The following APBB2 variants were observed in gnomAD, a reference collection of about 807,000 sequenced individuals.
APBB2 encodes Fe65-like 1.
In APBB2, 38 loss-of-function variants were observed where a neutral mutation model predicts 82.5. The observed-to-expected ratio is 0.46, with a 90% CI of 0.36 to 0.60. APBB2 has a LOEUF of 0.60. Ranked by LOEUF, APBB2 falls within the 20% of genes least tolerant of loss-of-function variation. The pLI is 0.00. For synonymous variants in APBB2, 341 were observed against 368.2 expected (o/e 0.93, Z 0.85); for missense variants, 772 against 972.3 (o/e 0.79, Z 2.74).
At chr4:40,861,046 T>C (rs965571474) in intron 12 of APBB2, among the ~76,000 whole-genome samples, 13 of 152,088 alleles carry the variant, frequency 8.5e-5, no homozygotes, top group Admixed American at 2.0e-4. Flanking sequence ...GACCCCCATA[T>C]CTACAAAAAA....
At chr4:40,947,994 T>A (rs1295013028) in intron 6 of APBB2, among the ~76,000 whole-genome samples, 1 of 152,140 alleles carries the variant, frequency 6.6e-6, no homozygotes. Flanking sequence ...AAGAAATCAG[T>A]TCTATGCGAT....
chr4:40,945,270 A>G (rs1171983104), intron 6 of APBB2, among the ~76,000 whole-genome samples, 197 bp from the exon 7 acceptor site: 3 of 152,202 alleles, frequency 2.0e-5, no homozygotes, highest in South Asian at 2.1e-4. Flanking sequence ...GGAAACAAGT[A>G]TAAGAATTGG....
At chr4:41,048,150 G>T (rs913889603) in intron 4 of APBB2, among the ~76,000 whole-genome samples, 2 of 152,168 alleles carry the variant, frequency 1.3e-5, no homozygotes, top group Non-Finnish European at 2.9e-5. Flanking sequence ...AACACCAGTT[G>T]AGCATCCCAA....
intron 3 of APBB2, among the ~76,000 whole-genome samples, chr4:41,098,015 C>A (rs1244672628): frequency 7.6e-6 from 1 of 131,614 alleles, no homozygotes. Context: ...CCTCCCCCCT[C>A]CCCTCCCGTC....
At chr4:40,855,082 A>C (rs1322912809) in intron 12 of APBB2, among the ~76,000 whole-genome samples, 1 of 152,210 alleles carries the variant, frequency 6.6e-6, no homozygotes, top group Non-Finnish European at 1.5e-5. Flanking sequence ...CTTGGAGTGC[A>C]GATGACCTGA....
chr4:40,900,552 T>G (rs1227897941), intron 10 of APBB2, among the ~76,000 whole-genome samples: 1 of 149,266 alleles, frequency 6.7e-6, no homozygotes, highest in African/African-American at 2.5e-5. Flanking sequence ...GCCTCCTGGG[T>G]TCAAGCAATT....
chr4:41,172,681 G>A (rs138913357), intron 1 of APBB2, among the ~76,000 whole-genome samples: 37 of 152,372 alleles, frequency 2.4e-4, no homozygotes, highest in African/African-American at 7.9e-4. Context: ...AAATCCATAT[G>A]CTTGAAATAG....
rs1390627019 is a variant in APBB2, at chr4:40,832,409, A to G, written c.1530-1832T>C. ...TCACCTGGCTGCCCCATGACGCTTT[A>G]ATCACCGGCAATCCACACATGACCC... On this transcript the variant is annotated intron_variant, in intron 12 of 17. Coordinates refer to ENST00000508593, the MANE Select transcript of APBB2 (RefSeq NM_004307.2). The surrounding 1 kb of genome is among the most constrained non-coding windows in gnomAD (Gnocchi z 4.8). Among the ~76,000 whole-genome samples, 1 of 152,018 alleles carries G rather than the reference A, an allele frequency of 6.6e-6. No individual in the cohort carries two copies. Among genetic ancestry groups the G allele is most frequent in the Non-Finnish European group, 1.5e-5 (1 of 67,998 alleles).
At chr4:40,844,502 T>C (rs1406836894) in intron 12 of APBB2, among the ~76,000 whole-genome samples, 2 of 152,212 alleles carry the variant, frequency 1.3e-5, no homozygotes, top group Non-Finnish European at 2.9e-5. Context: ...GCATTTGAGA[T>C]GGACTGTCTC....
intron 10 of APBB2, among the ~76,000 whole-genome samples, chr4:40,925,876 A>T (rs1782491049): frequency 1.3e-5 from 2 of 152,212 alleles, no homozygotes; most frequent in South Asian, 4.1e-4. Flanking sequence ...AAGCTCACAG[A>T]TGAATATTGG....
At chr4:41,173,051 T>G (rs1260380098) in intron 1 of APBB2, among the ~76,000 whole-genome samples, 1 of 152,194 alleles carries the variant, frequency 6.6e-6, no homozygotes, top group African/African-American at 2.4e-5. Context: ...ATTCTGGTTA[T>G]TACCACTACA....
chr4:41,048,388 G>T (rs550788086), intron 4 of APBB2, among the ~76,000 whole-genome samples: 53 of 152,246 alleles, frequency 3.5e-4, no homozygotes, highest in Non-Finnish European at 5.3e-4. Flanking sequence ...CCCCGTAACT[G>T]CTAATATATC....
At chr4:41,060,270 A>G (rs1441998852) in intron 4 of APBB2, among the ~76,000 whole-genome samples, 1 of 152,242 alleles carries the variant, frequency 6.6e-6, no homozygotes, top group Non-Finnish European at 1.5e-5. Context: ...CATGAATACA[A>G]CTAAAGCTAA....
intron 6 of APBB2, among the ~76,000 whole-genome samples, chr4:40,990,627 A>G (rs1341068795): frequency 6.6e-6 from 1 of 152,174 alleles, no homozygotes; most frequent in Non-Finnish European, 1.5e-5. Context: ...TGGCAAGCTC[A>G]TGGGGGAAAT....
At chr4:40,940,416 G>T (rs562269189) in intron 7 of APBB2, among the ~76,000 whole-genome samples, 1 of 152,118 alleles carries the variant, frequency 6.6e-6, no homozygotes, top group Non-Finnish European at 1.5e-5. Flanking sequence ...ACCATTCCTC[G>T]GCTCACTGGC....
At position 40,896,164 on chromosome 4, in the gene APBB2, A is replaced by G. The variant is rs578113311; in HGVS notation, c.1255-2753T>C. Among the ~76,000 whole-genome samples, 3 of 152,218 alleles carry G rather than the reference A, an allele frequency of 2.0e-5. No individual in the cohort carries two copies. In the East Asian group the frequency reaches 5.8e-4, roughly 29 times the overall value. On this transcript the variant is annotated intron_variant, in intron 10 of 17. Transcript: ENST00000508593. ...ACTGCAACCTCCACCTTCTGGGTTC[A>G]AGTGATCCTTCTGCCTCAGCCTCCC...
At chr4:41,063,885 C>G (rs1008899023) in intron 4 of APBB2, among the ~76,000 whole-genome samples, 2 of 149,608 alleles carry the variant, frequency 1.3e-5, no homozygotes, top group Non-Finnish European at 3.0e-5. Flanking sequence ...CATCATGTTG[C>G]CCAAGCTGGT....
In APBB2 at chr4:40,879,183, C is replaced by T. The variant is rs114183046; in HGVS notation, c.1529+11181G>A. Among the ~76,000 whole-genome samples, 470 of 151,552 alleles carry T rather than the reference C, an allele frequency of 3.1e-3. 6 individuals carry two copies. The highest frequency in any genetic ancestry group is 0.011 in the African/African-American group (450 of 41,410). ...ACTGTCTTCTTATCTTAAGAGAGAGCAGTGTGCAGGAGGAGACTAGAACGT... is the reference window on the plus strand; with the variant it reads ...ACTGTCTTCTTATCTTAAGAGAGAGTAGTGTGCAGGAGGAGACTAGAACGT... On this transcript the variant is annotated intron_variant, in intron 12 of 17. Coordinates refer to ENST00000508593, the MANE Select transcript of APBB2 (RefSeq NM_004307.2).
intron 13 of APBB2, 149 bp downstream of exon 13, chr4:40,830,313 GA>G: frequency 1.6e-6 from 1 of 614,942 alleles, no homozygotes; most frequent in South Asian, 2.0e-5. Flanking sequence ...CCCGCAGCAA[GA>G]ATACTTTAAT....
Sources: gnomAD v4.1 joint callset for allele counts (sites outside exome capture counted in the v4.1 genomes callset) on GRCh38, gnomAD v4.1.1 for gene constraint, Gnocchi (gnomAD v3.1) non-coding constraint, MANE v1.5 for transcripts, NCBI Gene and HGNC (gene_info 2026-07-23, HGNC 2026-07-21) for gene names.